The following NEMP2 variants were observed in gnomAD, a reference collection of about 807,000 sequenced individuals.
NEMP2 encodes nuclear envelope integral membrane protein 2.
A neutral mutation model predicts 54.2 loss-of-function variants in NEMP2; 53 were observed. The ratio of observed to expected loss-of-function variants is 0.98; its 90% CI spans 0.78 to 1.23. The LOEUF (loss-of-function observed/expected upper bound fraction) is 1.23. Among genes scored for constraint, NEMP2 ranks in the 50% most tolerant of loss-of-function variants. The pLI, the probability that NEMP2 is intolerant of heterozygous loss-of-function variation, is 0.00. For synonymous variants in NEMP2, 197 were observed against 190.3 expected (o/e 1.04, Z -0.29); for missense variants, 455 against 511.3 (o/e 0.89, Z 1.06).
rs1401597828 is a variant in NEMP2, at chr2:190,521,409, C to T, written c.214-2226G>A. On this transcript the variant is annotated intron_variant, in intron 2 of 8. Coordinates refer to ENST00000409150, the MANE Select transcript of NEMP2 (RefSeq NM_001142645.2). This position sits in a 1 kb window ranked among gnomAD's most constrained non-coding sequence, Gnocchi z 6.2. ...CAGGCTCCATAAAGGTAAGTCCCGA[C>T]TTGGGCACGGGATCCTATCCACGTT... is the stretch of plus-strand genomic sequence containing the variant. Among the ~76,000 whole-genome samples, 1 of 152,178 alleles carries T rather than the reference C, an allele frequency of 6.6e-6. No individual in the cohort carries two copies. Among genetic ancestry groups the T allele is most frequent in the Non-Finnish European group, 1.5e-5 (1 of 68,024 alleles).
At chr2:190,647,595 A>T in the NEMP2 span, among the ~76,000 whole-genome samples, 1 of 152,184 alleles carries the variant, frequency 6.6e-6, no homozygotes, top group Non-Finnish European at 1.5e-5. Context: ...CTTCAAGAAC[A>T]CAATGCTAAA....
the NEMP2 span, among the ~76,000 whole-genome samples, chr2:190,551,230 G>A: frequency 6.6e-6 from 1 of 151,612 alleles, no homozygotes; most frequent in East Asian, 1.9e-4. Context: ...TCCAACTATA[G>A]TTTTAAATAT....
chr2:190,636,808 A>C, the NEMP2 span, among the ~76,000 whole-genome samples: 1 of 152,280 alleles, frequency 6.6e-6, no homozygotes, highest in East Asian at 1.9e-4. Context: ...TCTCTTAAAA[A>C]CACAAAAGGA....
chr2:190,608,884 T>C, the NEMP2 span: 1 of 152,198 alleles, frequency 6.6e-6, no homozygotes, highest in Admixed American at 6.5e-5. This position sits in a 1 kb window ranked among gnomAD's most constrained non-coding sequence, Gnocchi z 4.9. Flanking sequence ...TAAAAAAATT[T>C]TATCAGAGGT....
the NEMP2 span, among the ~76,000 whole-genome samples, chr2:190,590,096 C>T: frequency 6.6e-6 from 1 of 152,200 alleles, no homozygotes; most frequent in Non-Finnish European, 1.5e-5. The surrounding 1 kb of genome is among the most constrained non-coding windows in gnomAD (Gnocchi z 5.1). Flanking sequence ...CTCTATGCTC[C>T]TGATGCAGAT....
the NEMP2 span, among the ~76,000 whole-genome samples, chr2:190,430,161 G>C: frequency 1.3e-5 from 2 of 151,120 alleles, no homozygotes; most frequent in African/African-American, 4.9e-5. Context: ...CCATGTCCCT[G>C]CAAAGGACAT....
At chr2:190,457,084 T>C in the NEMP2 span, among the ~76,000 whole-genome samples, 1 of 152,216 alleles carries the variant, frequency 6.6e-6, no homozygotes, top group Non-Finnish European at 1.5e-5. The surrounding 1 kb of genome is among the most constrained non-coding windows in gnomAD (Gnocchi z 5.1). Flanking sequence ...AGTCCGTTTC[T>C]TATGGTCCAA....
chr2:190,534,535 C>G (rs764987684), intron 1 of NEMP2, 24 bp downstream of exon 1: 12 of 1,373,224 alleles, frequency 8.7e-6, no homozygotes, highest in Non-Finnish European at 1.1e-5. Context: ...CACGCGCGCG[C>G]CGCCGCCGCC....
chr2:190,508,263 A>G lies in NEMP2; in HGVS notation c.*926T>C, dbSNP rs145178490. The G allele has an allele frequency of 9.5e-4, 144 of 152,356 alleles. No individual in the cohort carries two copies. The highest frequency in any genetic ancestry group is 3.3e-3 in the African/African-American group (136 of 41,584). 9.4% of individuals were successfully genotyped at this position (152,356 alleles called of 1,614,324 possible). ...GTATAAAAAACTTTAAAATGTCTTC[A>G]GAAACATTTCCCTTTATCACAGTTA... On this transcript the variant is annotated 3_prime_UTR_variant, in exon 9 of 9. Coordinates refer to ENST00000409150, the MANE Select transcript of NEMP2 (RefSeq NM_001142645.2). This position sits in a 1 kb window ranked among gnomAD's most constrained non-coding sequence, Gnocchi z 4.3.
the NEMP2 span, among the ~76,000 whole-genome samples, chr2:190,425,069 C>G: frequency 4.6e-5 from 7 of 152,058 alleles, no homozygotes; most frequent in Admixed American, 2.0e-4. The surrounding 1 kb of genome is among the most constrained non-coding windows in gnomAD (Gnocchi z 4.3). Flanking sequence ...GCCTTGTACA[C>G]ATTTTTTAAA....
At chr2:190,635,300 T>A in the NEMP2 span, among the ~76,000 whole-genome samples, 1 of 152,238 alleles carries the variant, frequency 6.6e-6, no homozygotes, top group Admixed American at 6.5e-5. This position sits in a 1 kb window ranked among gnomAD's most constrained non-coding sequence, Gnocchi z 4.1. Context: ...CACTGCAGCC[T>A]ACAACTCTTG....
chr2:190,603,361 G>T, the NEMP2 span, among the ~76,000 whole-genome samples: 3 of 151,974 alleles, frequency 2.0e-5, no homozygotes, highest in African/African-American at 7.3e-5. Context: ...TAATTTAGCT[G>T]AACTTGTTTC....
At chr2:190,568,913 G>A in the NEMP2 span, among the ~76,000 whole-genome samples, 1 of 152,130 alleles carries the variant, frequency 6.6e-6, no homozygotes, top group African/African-American at 2.4e-5. This position sits in a 1 kb window ranked among gnomAD's most constrained non-coding sequence, Gnocchi z 4.7. Flanking sequence ...AGAAGAGAAT[G>A]TAAGAGACTA....
the NEMP2 span, among the ~76,000 whole-genome samples, chr2:190,460,078 C>T: frequency 6.6e-6 from 1 of 152,300 alleles, no homozygotes; most frequent in South Asian, 2.1e-4. Flanking sequence ...TATCCTAGCT[C>T]TTACTCTTCT....
intron 1 of NEMP2, chr2:190,534,189 G>C: frequency 1.9e-6 from 2 of 1,045,490 alleles, no homozygotes; most frequent in South Asian, 4.5e-5. Flanking sequence ...CTGTACAAAA[G>C]GCCGTGTGCT....
At chr2:190,454,712 T>G in the NEMP2 span, among the ~76,000 whole-genome samples, 1 of 152,176 alleles carries the variant, frequency 6.6e-6, no homozygotes, top group East Asian at 1.9e-4. This position sits in a 1 kb window ranked among gnomAD's most constrained non-coding sequence, Gnocchi z 4.6. Flanking sequence ...CCCACCAGTT[T>G]ATGGCATATT....
the NEMP2 span, among the ~76,000 whole-genome samples, chr2:190,426,173 G>T: frequency 6.6e-6 from 1 of 152,020 alleles, no homozygotes; most frequent in Admixed American, 6.6e-5. The surrounding 1 kb of genome is among the most constrained non-coding windows in gnomAD (Gnocchi z 4.7). Flanking sequence ...CACCTTCCAG[G>T]ACTATGATGA....
At chr2:190,447,321 A>G in the NEMP2 span, among the ~76,000 whole-genome samples, 2 of 152,100 alleles carry the variant, frequency 1.3e-5, no homozygotes, top group Admixed American at 1.3e-4. This position sits in a 1 kb window ranked among gnomAD's most constrained non-coding sequence, Gnocchi z 4.5. Flanking sequence ...TGATTGAGCG[A>G]AACTGTGAGG....
the NEMP2 span, among the ~76,000 whole-genome samples, chr2:190,564,573 CAT>C: frequency 6.6e-6 from 1 of 152,190 alleles, no homozygotes; most frequent in Non-Finnish European, 1.5e-5. This position sits in a 1 kb window ranked among gnomAD's most constrained non-coding sequence, Gnocchi z 4.2. Flanking sequence ...CTTAATGGCT[CAT>C]AGGACTTTTA....
Sources: allele counts gnomAD v4.1 joint callset (sites outside exome capture counted in the v4.1 genomes callset), GRCh38; gene constraint gnomAD v4.1.1; non-coding constraint Gnocchi (gnomAD v3.1); transcripts MANE v1.5; gene names NCBI Gene and HGNC (gene_info 2026-07-23, HGNC 2026-07-21).